Variants in LRP1B observed in about 807,000 individuals in gnomAD.
The protein encoded by LRP1B is low-density lipoprotein receptor-related protein 1B.
LRP1B carries 217 observed loss-of-function variants against 556.6 expected under a neutral mutation model. That is an observed-to-expected ratio of 0.39 (90% CI 0.35 to 0.44). The LOEUF (loss-of-function observed/expected upper bound fraction) is 0.44, where lower values mean the gene tolerates loss of function less well. LRP1B is among the 20% of genes least tolerant of loss of function. The pLI, the probability that LRP1B is intolerant of heterozygous loss-of-function variation, is 1.00. For missense variants in LRP1B, 5,053 were observed against 5,620.8 expected, an observed-to-expected ratio of 0.90 and a Z score of 3.23; for synonymous variants, 2,047 against 1,865.8, an observed-to-expected ratio of 1.10 and a Z score of -2.50.
intron 1 of LRP1B, among the ~76,000 whole-genome samples, chr2:141,834,472 A>T (rs1035218315): frequency 1.3e-4 from 20 of 151,952 alleles, no homozygotes; most frequent in Non-Finnish European, 2.8e-4. Flanking sequence ...TTTGCAGGAA[A>T]TGAAGCTGTT....
At chr2:142,058,872 C>T (rs546706038) in intron 1 of LRP1B, among the ~76,000 whole-genome samples, 16 of 152,202 alleles carry the variant, frequency 1.1e-4, no homozygotes, top group South Asian at 4.2e-4. Flanking sequence ...AAATTTCACT[C>T]TCTCATTATT....
intron 23 of LRP1B, among the ~76,000 whole-genome samples, chr2:140,894,958 AT>A (rs1693907853): frequency 6.7e-6 from 1 of 149,852 alleles, no homozygotes; most frequent in African/African-American, 2.5e-5. Context: ...AAAAAAAAAA[AT>A]TGATACAGTT....
chr2:140,852,983 T>C (rs980272875), intron 27 of LRP1B, among the ~76,000 whole-genome samples: 1 of 152,106 alleles, frequency 6.6e-6, no homozygotes, highest in Non-Finnish European at 1.5e-5. Flanking sequence ...AAGAAAATGT[T>C]AGCTTTCAAC....
chr2:140,589,667 A>C (rs1207129470), intron 43 of LRP1B, among the ~76,000 whole-genome samples: 1 of 152,238 alleles, frequency 6.6e-6, no homozygotes, highest in East Asian at 1.9e-4. Context: ...AGAGAATTTT[A>C]CTGAATGGAA....
At chr2:141,429,260 T>A (rs1489261629) in intron 3 of LRP1B, among the ~76,000 whole-genome samples, 1 of 152,188 alleles carries the variant, frequency 6.6e-6, no homozygotes, top group Non-Finnish European at 1.5e-5. Flanking sequence ...ACTTCACTAT[T>A]TTTCACTTAT....
At chr2:140,804,419 TTGTA>T (rs200234191) in intron 32 of LRP1B, among the ~76,000 whole-genome samples, 1 of 152,044 alleles carries the variant, frequency 6.6e-6, no homozygotes, top group Non-Finnish European at 1.5e-5. Context: ...CTGTTTTTTA[TTGTA>T]TGTATTTTTT....
intron 2 of LRP1B, among the ~76,000 whole-genome samples, chr2:141,594,910 T>C (rs1687465599): frequency 6.6e-6 from 1 of 152,122 alleles, no homozygotes; most frequent in Non-Finnish European, 1.5e-5. Flanking sequence ...TAATTTCTAG[T>C]TTTCCTAAAT....
Position 141,049,011 on chromosome 2 carries a change from T to C in LRP1B, c.1764A>G (p.Thr588=). 6.2e-7 allele frequency: 1 copy of C among 1,613,266 alleles called. No individual in the cohort carries two copies. Among genetic ancestry groups the C allele is most frequent in the Non-Finnish European group, 8.5e-7 (1 of 1,179,414 alleles). Residue 588 remains threonine, a synonymous_variant, in exon 11 of 91, where the codon ACA becomes ACG. Coordinates refer to ENST00000389484, the MANE Select transcript of LRP1B (RefSeq NM_018557.3). ...CATCTTTCAGGATGGTTTCTCTCTC[T>C]GTGCCATCTATCTTCTGCCGGCCAA... The part of the protein sequence containing the change: ...FLIGRQKIDG[T]ERETILKDDL...
intron 1 of LRP1B, among the ~76,000 whole-genome samples, chr2:142,029,433 T>C (rs950088923): frequency 1.3e-5 from 2 of 151,914 alleles, no homozygotes; most frequent in Non-Finnish European, 2.9e-5. Context: ...ATGACTTCTG[T>C]TATATCCTAT....
chr2:141,574,059 A>T (rs879439928), intron 2 of LRP1B, among the ~76,000 whole-genome samples: 2 of 152,172 alleles, frequency 1.3e-5, no homozygotes, highest in African/African-American at 4.8e-5. Flanking sequence ...TATTCCAAAC[A>T]ATTGAAAAGG....
At position 140,770,956 on chromosome 2, in the gene LRP1B, G is replaced by A. The variant is rs1356159623; in HGVS notation, c.5551C>T (p.Pro1851Ser). 7 of 1,590,526 alleles carry A rather than the reference G, an allele frequency of 4.4e-6. No individual in the cohort carries two copies. In the South Asian group the frequency reaches 4.6e-5, roughly 10 times the overall value. Reference protein sequence around the residue: ...NNGGCSQLCLPTSETTRTCMC... With the variant: ...NNGGCSQLCLSTSETTRTCMC... ...CAAGTCCTTGTAGTTTCAGATGTTGGTAAACAAAGTTGAGAGCATCCACCA... is the reference window on the plus strand; with the variant it reads ...CAAGTCCTTGTAGTTTCAGATGTTGATAAACAAAGTTGAGAGCATCCACCA... Residue 1851 changes from proline to serine, a missense_variant, in exon 34 of 91, where the codon CCA becomes TCA. Around this residue, in one of 5 missense-constraint regions of LRP1B, gnomAD observed 3,619 missense variants for 3,931.9 expected, o/e 0.92. Transcript: ENST00000389484.
At chr2:141,810,158 AAAGAAAG>A (rs1558891057) in intron 2 of LRP1B, 114 bp downstream of exon 2, 2 of 437,466 alleles carry the variant, frequency 4.6e-6, no homozygotes, top group Admixed American at 5.9e-5. Context: ...AGAAAGAAAG[AAAGAAAG>A]AAGGAAAGAA....
chr2:141,612,212 T>G (rs979294840), intron 2 of LRP1B, among the ~76,000 whole-genome samples: 1 of 152,220 alleles, frequency 6.6e-6, no homozygotes, highest in Non-Finnish European at 1.5e-5. Context: ...ATCAGAAGAT[T>G]CCAAAGTTTG....
chr2:141,577,083 T>C lies in LRP1B; in HGVS notation c.206-96550A>G, dbSNP rs528258095. ...AAGTGTTTCCTTGAACACCTAATTG[T>C]AACTGCAACTAGAACAGTGATCATT... On this transcript the variant is annotated intron_variant, in intron 2 of 90. Coordinates refer to ENST00000389484, the MANE Select transcript of LRP1B (RefSeq NM_018557.3). Among the ~76,000 whole-genome samples, 32 of 152,280 alleles carry C rather than the reference T, an allele frequency of 2.1e-4. No individual in the cohort carries two copies. In the East Asian group the frequency reaches 3.7e-3, roughly 17 times the overall value.
At chr2:140,997,237 A>G (rs1405394423) in intron 15 of LRP1B, among the ~76,000 whole-genome samples, 1 of 151,994 alleles carries the variant, frequency 6.6e-6, no homozygotes, top group African/African-American at 2.4e-5. Flanking sequence ...GAACAATGAA[A>G]TCAGAAGGCC....
At chr2:141,425,127 T>C (rs949093923) in intron 3 of LRP1B, among the ~76,000 whole-genome samples, 3 of 151,016 alleles carry the variant, frequency 2.0e-5, no homozygotes, top group Non-Finnish European at 4.4e-5. Flanking sequence ...TGTCCATGTG[T>C]TCTCATCGTT....
intron 1 of LRP1B, among the ~76,000 whole-genome samples, chr2:141,907,888 A>G (rs1699801687): frequency 6.6e-6 from 1 of 151,858 alleles, no homozygotes; most frequent in South Asian, 2.1e-4. Context: ...TGGCTTTTCC[A>G]GGTAGGCACT....
At chr2:140,559,956 A>G (rs1358729467) in intron 43 of LRP1B, among the ~76,000 whole-genome samples, 1 of 152,154 alleles carries the variant, frequency 6.6e-6, no homozygotes, top group Non-Finnish European at 1.5e-5. Context: ...GGATTACAAT[A>G]TTTACATAGT....
chr2:141,342,243 CA>C (rs759719074), intron 3 of LRP1B, among the ~76,000 whole-genome samples: 61,223 of 110,130 alleles, frequency 0.56, 14,845 homozygotes, highest in Middle Eastern at 0.66. Context: ...GACTCCATCT[CA>C]AAAAAAAAAA....
Sources: gnomAD v4.1 joint callset for allele counts (sites outside exome capture counted in the v4.1 genomes callset) on GRCh38, gnomAD v4.1.1 for gene constraint, gnomAD v4.1.1 regional missense constraint, MANE v1.5 for transcripts, NCBI Gene and HGNC (gene_info 2026-07-23, HGNC 2026-07-21) for gene names.